Variants in NRG3 observed in about 807,000 individuals in gnomAD.
NRG3 encodes the protein pro-neuregulin-3, membrane-bound isoform.
In NRG3, 31 loss-of-function variants were observed where a neutral mutation model predicts 66.9. The observed-to-expected ratio is 0.46, with a 90% CI of 0.35 to 0.63. NRG3 has a LOEUF of 0.63. Among genes scored for constraint, NRG3 ranks in the 20% least tolerant of loss-of-function variants. The pLI is 0.00. For missense variants in NRG3, 910 were observed against 878.9 expected, an observed-to-expected ratio of 1.04 and a Z score of -0.45; for synonymous variants, 393 against 359.4, an observed-to-expected ratio of 1.09 and a Z score of -1.06.
At chr10:82,927,031 A>G (rs1023792921) in intron 4 of NRG3, among the ~76,000 whole-genome samples, 1 of 152,114 alleles carries the variant, frequency 6.6e-6, no homozygotes, top group Non-Finnish European at 1.5e-5. Flanking sequence ...CACCATCACT[A>G]CTTGAGCAGA....
Position 82,697,557 on chromosome 10 carries a change from T to G in NRG3, c.954-41020T>G, listed in dbSNP as rs540767271. ...ATACAAACAAACACTACGTCCAATT[T>G]TATGTCAGTAGATTGTCTAAAATAT... On this transcript the variant is annotated intron_variant, in intron 2 of 8. Transcript: ENST00000372141. Among the ~76,000 whole-genome samples, 82 of 152,264 alleles carry G rather than the reference T, an allele frequency of 5.4e-4. 1 individual carries two copies. The highest frequency in any genetic ancestry group is 3.4e-3 in the Middle Eastern group (1 of 294).
intron 2 of NRG3, among the ~76,000 whole-genome samples, chr10:82,482,439 A>G (rs117148415): frequency 6.6e-6 from 1 of 152,264 alleles, no homozygotes; most frequent in East Asian, 1.9e-4. Context: ...TGAAATCACA[A>G]AGATTTTGTG....
intron 3 of NRG3, among the ~76,000 whole-genome samples, chr10:82,753,680 G>A (rs2134972460): frequency 6.6e-6 from 1 of 151,992 alleles, no homozygotes; most frequent in African/African-American, 2.4e-5. Flanking sequence ...CGGGAGTGGT[G>A]GCTCACACCT....
At chr10:82,393,019 A>C (rs1228039562) in intron 2 of NRG3, among the ~76,000 whole-genome samples, 1 of 142,966 alleles carries the variant, frequency 7.0e-6, no homozygotes, top group Non-Finnish European at 1.5e-5. Context: ...GGAGTAGCTC[A>C]CCTTTCTGCA....
intron 2 of NRG3, among the ~76,000 whole-genome samples, chr10:82,373,337 G>A (rs975179722): frequency 1.3e-5 from 2 of 152,212 alleles, no homozygotes; most frequent in African/African-American, 4.8e-5. Flanking sequence ...TTCAGCTGTA[G>A]ACCATTAAAC....
rs1845603382 is a variant in NRG3, at chr10:81,915,496, G to GTTTTGTTTTTT, written c.823+39337_823+39338insGTTTTTTTTTT. ...GTTAAAGTCAGCTCACACTTCTTTA[G>GTTTTGTTTTTT]TTTTTTTTTTTTTTGCCAAAACACA... On this transcript the variant is annotated intron_variant, in intron 1 of 8. Transcript: ENST00000372141. Among the ~76,000 whole-genome samples the GTTTTGTTTTTT allele has an allele frequency of 3.8e-5, 5 of 130,730 alleles. 1 individual carries two copies. In the South Asian group the frequency reaches 1.2e-3, roughly 31 times the overall value. The allele number at this position is 130,730 out of a possible 152,430, so 85.8% of individuals were successfully genotyped here.
chr10:82,974,155 G>T (rs1290975644), intron 7 of NRG3, among the ~76,000 whole-genome samples: 1 of 151,226 alleles, frequency 6.6e-6, no homozygotes, highest in Non-Finnish European at 1.5e-5. Flanking sequence ...ACCCATCAAA[G>T]TTACAGACCA....
intron 1 of NRG3, among the ~76,000 whole-genome samples, chr10:82,162,386 G>A (rs2071668586): frequency 6.6e-6 from 1 of 151,878 alleles, no homozygotes; most frequent in South Asian, 2.1e-4. Flanking sequence ...AACATTACAG[G>A]GCAGGCTACT....
chr10:82,968,904 G>C (rs1851465943), intron 6 of NRG3, among the ~76,000 whole-genome samples: 2 of 152,194 alleles, frequency 1.3e-5, no homozygotes. Context: ...ATGGTGGAAG[G>C]TGGAAAGCAC....
chr10:82,772,931 C>G (rs1297023790), intron 3 of NRG3, among the ~76,000 whole-genome samples: 1 of 151,932 alleles, frequency 6.6e-6, no homozygotes, highest in Non-Finnish European at 1.5e-5. Context: ...TCTTGAACTC[C>G]TAGGCTCAAG....
At chr10:82,639,227 T>C (rs1174635900) in intron 2 of NRG3, among the ~76,000 whole-genome samples, 1 of 152,180 alleles carries the variant, frequency 6.6e-6, no homozygotes, top group Non-Finnish European at 1.5e-5. Context: ...TTCAAGTGTC[T>C]AGTGAGATCT....
chr10:81,920,572 A>G (rs1484936253), intron 1 of NRG3, among the ~76,000 whole-genome samples: 1 of 152,218 alleles, frequency 6.6e-6, no homozygotes, highest in East Asian at 1.9e-4. Context: ...TAGCATATGG[A>G]TATTCAATTT....
At chr10:82,798,466 G>A (rs2060894541) in intron 3 of NRG3, among the ~76,000 whole-genome samples, 1 of 152,058 alleles carries the variant, frequency 6.6e-6, no homozygotes. Flanking sequence ...CTCTATAGTT[G>A]TGAGATAGCA....
intron 1 of NRG3, among the ~76,000 whole-genome samples, chr10:82,241,757 A>G (rs2077016141): frequency 6.6e-6 from 1 of 152,208 alleles, no homozygotes; most frequent in African/African-American, 2.4e-5. Flanking sequence ...TTAGAATACA[A>G]GAATGGAATA....
chr10:82,969,946 C>T (rs897455460), intron 6 of NRG3, among the ~76,000 whole-genome samples: 1 of 152,108 alleles, frequency 6.6e-6, no homozygotes, highest in Non-Finnish European at 1.5e-5. Context: ...ATTAATTGCA[C>T]CTTCCTTATT....
chr10:82,880,794 G>A (rs1234396670), intron 4 of NRG3, among the ~76,000 whole-genome samples: 1 of 152,174 alleles, frequency 6.6e-6, no homozygotes, highest in Non-Finnish European at 1.5e-5. Context: ...TATGTTTTGT[G>A]TATTGCATGA....
At chr10:82,428,420 C>T (rs1009870911) in intron 2 of NRG3, among the ~76,000 whole-genome samples, 18 of 151,408 alleles carry the variant, frequency 1.2e-4, no homozygotes, top group African/African-American at 4.1e-4. Context: ...TTCCTAATTC[C>T]CCTTGTGAAT....
intron 8 of NRG3, among the ~76,000 whole-genome samples, chr10:82,979,991 C>T (rs1211956923): frequency 1.3e-5 from 2 of 152,036 alleles, no homozygotes; most frequent in African/African-American, 2.4e-5. Flanking sequence ...ATCACTTGAG[C>T]TCAGGAGTTT....
intron 1 of NRG3, among the ~76,000 whole-genome samples, chr10:82,321,444 G>A (rs903397415): frequency 3.9e-5 from 6 of 152,174 alleles, no homozygotes; most frequent in East Asian, 3.9e-4. Context: ...CACCTGCGAC[G>A]TGATTATTGT....
Sources: gnomAD v4.1 joint callset for allele counts (sites outside exome capture counted in the v4.1 genomes callset) on GRCh38, gnomAD v4.1.1 for gene constraint, MANE v1.5 for transcripts, NCBI Gene and HGNC (gene_info 2026-07-23, HGNC 2026-07-21) for gene names.